The following ZFPM2 variants were observed in gnomAD, a reference collection of about 807,000 sequenced individuals.
ZFPM2 encodes zinc finger protein ZFPM2.
In ZFPM2, 20 loss-of-function variants were observed where a neutral mutation model predicts 98.6. That is an observed-to-expected ratio of 0.20 (90% CI 0.14 to 0.29). ZFPM2 has a LOEUF of 0.29. Among genes scored for constraint, ZFPM2 ranks in the 10% least tolerant of loss-of-function variants. The probability of loss-of-function intolerance (pLI) is 1.00; values close to 1 mark genes in which losing one functional copy is unlikely to be tolerated. For missense variants in ZFPM2, 1,310 were observed against 1,388.6 expected (o/e 0.94, Z 0.90); for synonymous variants, 518 against 502.7 (o/e 1.03, Z -0.41).
chr8:105,447,890 C>A (rs1398378424), intron 3 of ZFPM2, among the ~76,000 whole-genome samples: 1 of 151,966 alleles, frequency 6.6e-6, no homozygotes, highest in Non-Finnish European at 1.5e-5. Context: ...GTACTTTTTC[C>A]CTTATGTTAT....
In ZFPM2 at chr8:105,802,997, TAAAGAAAGCAA is replaced by T; in HGVS notation, c.2918_2928del (p.Lys973ArgfsTer15). On this transcript the variant is annotated frameshift_variant, in exon 8 of 8. Coordinates refer to ENST00000407775, the MANE Select transcript of ZFPM2 (RefSeq NM_012082.4). LOFTEE classifies it high-confidence loss of function. ...CCACAATGCCTTTACCCTGGAGCAATAAAGAAAGCAAAAGGAGCCGACCAGCTTTCTCCATA... is the reference window on the plus strand; with the variant it reads ...CCACAATGCCTTTACCCTGGAGCAATAAGGAGCCGACCAGCTTTCTCCATA... 6.2e-7 allele frequency: 1 copy of T among 1,612,848 alleles called. No homozygotes were observed. Among genetic ancestry groups the T allele is most frequent in the Non-Finnish European group, 8.5e-7 (1 of 1,179,404 alleles).
chr8:105,331,674 A>G (rs1812236522), intron 1 of ZFPM2, among the ~76,000 whole-genome samples: 1 of 151,790 alleles, frequency 6.6e-6, no homozygotes, highest in Non-Finnish European at 1.5e-5. Flanking sequence ...CACACATTTA[A>G]TGGAAAATTT....
intron 6 of ZFPM2, among the ~76,000 whole-genome samples, chr8:105,793,330 C>T (rs1813683926): frequency 6.6e-6 from 1 of 151,982 alleles, no homozygotes. Flanking sequence ...TATTTTATTT[C>T]TCTTTCACTT....
intron 4 of ZFPM2, among the ~76,000 whole-genome samples, chr8:105,588,639 T>A (rs1474029214): frequency 6.6e-6 from 1 of 152,172 alleles, no homozygotes; most frequent in Non-Finnish European, 1.5e-5. Flanking sequence ...GGAATCAAAC[T>A]TTCAATCTTC....
chr8:105,437,049 CTTTT>C (rs1455263137), intron 2 of ZFPM2, among the ~76,000 whole-genome samples: 1 of 151,934 alleles, frequency 6.6e-6, no homozygotes, highest in African/African-American at 2.4e-5. Flanking sequence ...AGTCATCTTT[CTTTT>C]TTTATTTGCA....
chr8:105,527,410 A>G (rs1271999313), intron 3 of ZFPM2, among the ~76,000 whole-genome samples: 1 of 152,216 alleles, frequency 6.6e-6, no homozygotes, highest in Non-Finnish European at 1.5e-5. Flanking sequence ...TTGTTTTTTC[A>G]CTCAAAGAGT....
intron 3 of ZFPM2, among the ~76,000 whole-genome samples, chr8:105,555,723 G>A (rs1814973790): frequency 6.6e-6 from 1 of 152,176 alleles, no homozygotes; most frequent in South Asian, 2.1e-4. Context: ...TAAATGCAAT[G>A]GGAGTATTAG....
At chr8:105,719,588 C>T (rs1422023368) in intron 5 of ZFPM2, among the ~76,000 whole-genome samples, 9 of 151,770 alleles carry the variant, frequency 5.9e-5, no homozygotes, top group South Asian at 2.1e-4. Context: ...AAAATGGGGG[C>T]GATAATATTA....
At chr8:105,632,328 C>A (rs1287568135) in intron 4 of ZFPM2, among the ~76,000 whole-genome samples, 1 of 152,096 alleles carries the variant, frequency 6.6e-6, no homozygotes. Context: ...CACCATCACA[C>A]CTGGCTAATT....
At chr8:105,447,536 A>G (rs1239164851) in intron 3 of ZFPM2, among the ~76,000 whole-genome samples, 1 of 152,150 alleles carries the variant, frequency 6.6e-6, no homozygotes, top group East Asian at 1.9e-4. Flanking sequence ...AAGTTTTGTC[A>G]TACTAATTGA....
intron 6 of ZFPM2, among the ~76,000 whole-genome samples, chr8:105,791,564 A>G (rs1429402778): frequency 2.0e-5 from 3 of 152,150 alleles, no homozygotes; most frequent in South Asian, 2.1e-4. Flanking sequence ...TTTTGGTTGT[A>G]TCTCTGCCCG....
intron 4 of ZFPM2, among the ~76,000 whole-genome samples, chr8:105,623,650 C>T (rs1402641857): frequency 1.3e-5 from 2 of 152,110 alleles, no homozygotes; most frequent in Admixed American, 1.3e-4. Context: ...ATCTTAGCGT[C>T]TGAAGATGAC....
chr8:105,803,270 T>C lies in ZFPM2; in HGVS notation c.3188T>C (p.Ile1063Thr). The change falls in exon 8 of 8, where the codon ATT becomes ACT. Residue 1063 changes from isoleucine to threonine, a missense_variant. Ile to Thr is a moderately conservative substitution (Grantham distance 89). Transcript: ENST00000407775. ...RPAANPQQEN[I>T]SQNPQHEDDH... ...GCTGCCAACCCACAGCAAGAGAACA[T>C]TTCCCAGAATCCTCAGCACGAAGAC... 1 of 1,598,558 alleles carries C rather than the reference T, an allele frequency of 6.3e-7. No individual in the cohort carries two copies. Among genetic ancestry groups the C allele is most frequent in the Non-Finnish European group, 8.5e-7 (1 of 1,171,736 alleles).
At chr8:105,719,918 A>T (rs1162272304) in intron 5 of ZFPM2, among the ~76,000 whole-genome samples, 1 of 151,908 alleles carries the variant, frequency 6.6e-6, no homozygotes, top group Non-Finnish European at 1.5e-5. Context: ...CTATGCAGAG[A>T]CCAATATTAG....
chr8:105,397,854 CA>C (rs1811253854), intron 1 of ZFPM2, among the ~76,000 whole-genome samples: 2 of 151,278 alleles, frequency 1.3e-5, no homozygotes, highest in South Asian at 2.1e-4. Flanking sequence ...GCCCATATAA[CA>C]GGAAAAAAAA....
At chr8:105,321,313 A>G (rs1812020888) in intron 1 of ZFPM2, among the ~76,000 whole-genome samples, 1 of 152,204 alleles carries the variant, frequency 6.6e-6, no homozygotes, top group Admixed American at 6.5e-5. Context: ...AGTAGTGCGT[A>G]AGAAGTGCAC....
At chr8:105,776,302 G>T (rs1700469637) in intron 5 of ZFPM2, among the ~76,000 whole-genome samples, 2 of 152,000 alleles carry the variant, frequency 1.3e-5, no homozygotes, top group African/African-American at 4.8e-5. Flanking sequence ...GATTAATGAG[G>T]CTGTTCATGT....
chr8:105,600,341 T>A (rs1343445652), intron 4 of ZFPM2, among the ~76,000 whole-genome samples: 2 of 152,170 alleles, frequency 1.3e-5, no homozygotes, highest in Non-Finnish European at 2.9e-5. Flanking sequence ...GATTTCTTTT[T>A]TGCTTCTGTC....
chr8:105,534,403 TTTCC>T (rs959361956), intron 3 of ZFPM2, among the ~76,000 whole-genome samples: 8 of 129,314 alleles, frequency 6.2e-5, no homozygotes, highest in African/African-American at 1.6e-4. Context: ...CCTTCCTACC[TTTCC>T]TTCCTTCCTT....
Sources: allele counts gnomAD v4.1 joint callset (sites outside exome capture counted in the v4.1 genomes callset), GRCh38; gene constraint gnomAD v4.1.1; transcripts MANE v1.5; gene names NCBI Gene and HGNC (gene_info 2026-07-23, HGNC 2026-07-21).